The following PDE4D variants were observed in gnomAD, a reference collection of about 807,000 sequenced individuals.
The protein encoded by PDE4D is 3',5'-cyclic-AMP phosphodiesterase 4D.
In PDE4D, 24 loss-of-function variants were observed where a neutral mutation model predicts 87.4. The ratio of observed to expected loss-of-function variants is 0.27; its 90% CI spans 0.20 to 0.39. The LOEUF (loss-of-function observed/expected upper bound fraction) is 0.39. Among genes scored for constraint, PDE4D ranks in the 10% least tolerant of loss-of-function variants. PDE4D has a pLI of 1.00. For missense variants in PDE4D, 714 were observed against 1,041.0 expected, an observed-to-expected ratio of 0.69 and a Z score of 4.32; for synonymous variants, 384 against 383.2, an observed-to-expected ratio of 1.00 and a Z score of -0.02.
chr5:60,430,151 G>A (rs536332333), intron 1 of PDE4D: 19 of 524,554 alleles, frequency 3.6e-5, no homozygotes, highest in South Asian at 2.5e-4. Flanking sequence ...AGTGCCTGAG[G>A]GGCACGCTTC....
intron 2 of PDE4D, among the ~76,000 whole-genome samples, chr5:60,046,660 G>A (rs1371527692): frequency 6.6e-6 from 1 of 152,134 alleles, no homozygotes; most frequent in Admixed American, 6.5e-5. Context: ...TTTATATGCT[G>A]GATTACATTT....
chr5:60,143,059 C>T (rs1780679157), intron 2 of PDE4D, among the ~76,000 whole-genome samples: 1 of 152,046 alleles, frequency 6.6e-6, no homozygotes, highest in African/African-American at 2.4e-5. Flanking sequence ...CAAAGATGTC[C>T]TGGATTTGGG....
chr5:59,163,397 G>C (rs182231433), intron 5 of PDE4D, among the ~76,000 whole-genome samples: 1 of 150,240 alleles, frequency 6.7e-6, no homozygotes, highest in Non-Finnish European at 1.5e-5. Context: ...TCAGTCTCCC[G>C]AGTAGCCGGG....
chr5:59,128,030 G>GTA (rs1158422675), intron 5 of PDE4D, among the ~76,000 whole-genome samples: 2 of 112,714 alleles, frequency 1.8e-5, no homozygotes, highest in South Asian at 2.9e-4. Context: ...GTGTGTGTGT[G>GTA]TGTGTGTGTG....
chr5:60,045,452 A>G (rs1159358159), intron 2 of PDE4D, among the ~76,000 whole-genome samples: 1 of 152,136 alleles, frequency 6.6e-6, no homozygotes. Context: ...CTATGTCCTG[A>G]ATGGTAAAGC....
chr5:59,403,150 C>CAGACAG lies in PDE4D; in HGVS notation c.456-187188_456-187183dup. The stretch of plus-strand genomic sequence containing the variant: ...CATAATAGGTAGGTAGGTAGACAGA[C>CAGACAG]AGACAGACAGACAGACAGACAGACA... On this transcript the variant is annotated intron_variant, in intron 1 of 14. Transcript: ENST00000340635. Among the ~76,000 whole-genome samples, 2 of 133,416 alleles carry CAGACAG rather than the reference C, an allele frequency of 1.5e-5. 1 individual carries two copies. Among genetic ancestry groups the CAGACAG allele is most frequent in the South Asian group, 5.2e-4 (2 of 3,866 alleles). 87.5% of individuals were successfully genotyped at this position (133,416 alleles called of 152,430 possible).
At chr5:60,015,941 G>A (rs1485231783) in intron 2 of PDE4D, among the ~76,000 whole-genome samples, 2 of 150,440 alleles carry the variant, frequency 1.3e-5, no homozygotes, top group African/African-American at 2.5e-5. Flanking sequence ...AGGCTGGAGT[G>A]CAGTGGCACG....
chr5:59,730,251 G>A (rs1757189719), intron 1 of PDE4D, among the ~76,000 whole-genome samples: 1 of 152,092 alleles, frequency 6.6e-6, no homozygotes, highest in South Asian at 2.1e-4. Context: ...GGGAGAAGCA[G>A]GTATGGAGTT....
intron 1 of PDE4D, among the ~76,000 whole-genome samples, chr5:60,474,138 A>ATATATATATATATATATC: frequency 1.0e-5 from 1 of 96,622 alleles, no homozygotes; most frequent in Non-Finnish European, 1.8e-5. Flanking sequence ...ATATATATAT[A>ATATATATATATATATATC]TATATATATA....
At chr5:59,636,253 C>T (rs1405485556) in intron 1 of PDE4D, among the ~76,000 whole-genome samples, 1 of 152,156 alleles carries the variant, frequency 6.6e-6, no homozygotes, top group Non-Finnish European at 1.5e-5. Context: ...AATGGAAAAA[C>T]ATTCCATGCT....
At chr5:59,525,366 G>A (rs1302109361) in intron 1 of PDE4D, among the ~76,000 whole-genome samples, 2 of 152,226 alleles carry the variant, frequency 1.3e-5, no homozygotes, top group Non-Finnish European at 2.9e-5. Context: ...CATGGGGCCT[G>A]TTGCCCCTTT....
At position 59,986,169 on chromosome 5, in the gene PDE4D, A is replaced by G. The variant is rs899379152; in HGVS notation, c.272+2319T>C. Among the ~76,000 whole-genome samples, 3 of 152,220 alleles carry G rather than the reference A, an allele frequency of 2.0e-5. No homozygotes were observed. In the East Asian group the frequency reaches 5.8e-4, roughly 29 times the overall value. ...AAGCAGGCTGAAGCGATCCTCCTGC[A>G]TCAGCCTGCTGAGTAGCTGGGACCA... On this transcript the variant is annotated intron_variant, in intron 3 of 16. Coordinates refer to the PDE4D transcript ENST00000502484.
At chr5:59,728,685 T>C (rs1756948272) in intron 1 of PDE4D, among the ~76,000 whole-genome samples, 1 of 152,110 alleles carries the variant, frequency 6.6e-6, no homozygotes, top group Non-Finnish European at 1.5e-5. Flanking sequence ...TGTGACTATA[T>C]GGCACAATAT....
intron 1 of PDE4D, among the ~76,000 whole-genome samples, chr5:60,431,388 C>G (rs952250926): frequency 1.3e-5 from 2 of 151,818 alleles, no homozygotes; most frequent in African/African-American, 4.8e-5. Flanking sequence ...TCCTCACCTC[C>G]CAGACGGGTT....
chr5:59,829,833 G>A (rs1740913008), intron 1 of PDE4D, among the ~76,000 whole-genome samples: 1 of 151,868 alleles, frequency 6.6e-6, no homozygotes, highest in Non-Finnish European at 1.5e-5. Context: ...GGCGAGAGAG[G>A]CCATGGATAA....
At chr5:60,359,584 T>C (rs1426572566) in intron 1 of PDE4D, among the ~76,000 whole-genome samples, 2 of 152,164 alleles carry the variant, frequency 1.3e-5, no homozygotes, top group Non-Finnish European at 2.9e-5. Context: ...GTCTTATTCT[T>C]AGAAAGGGCA....
At chr5:60,296,936 T>G (rs1290945564) in intron 1 of PDE4D, among the ~76,000 whole-genome samples, 1 of 151,972 alleles carries the variant, frequency 6.6e-6, no homozygotes, top group Non-Finnish European at 1.5e-5. Flanking sequence ...CACCAGGGCC[T>G]GTCGGGAGGT....
At chr5:59,004,913 A>G (rs1365076604) in intron 6 of PDE4D, among the ~76,000 whole-genome samples, 2 of 152,208 alleles carry the variant, frequency 1.3e-5, no homozygotes, top group East Asian at 1.9e-4. Flanking sequence ...ATTTTTTTCA[A>G]CTGTCTTCAA....
At chr5:60,222,529 A>C (rs1487159160) in intron 1 of PDE4D, among the ~76,000 whole-genome samples, 1 of 152,192 alleles carries the variant, frequency 6.6e-6, no homozygotes, top group Non-Finnish European at 1.5e-5. Context: ...TTTATAGATC[A>C]TAGGGTAGAT....
Sources: allele counts gnomAD v4.1 joint callset (sites outside exome capture counted in the v4.1 genomes callset), GRCh38; gene constraint gnomAD v4.1.1; transcripts MANE v1.5; gene names NCBI Gene and HGNC (gene_info 2026-07-23, HGNC 2026-07-21).